The following AGPS variants were observed in gnomAD, a reference collection of about 807,000 sequenced individuals.
AGPS encodes the protein alkylglycerone phosphate synthase.
AGPS carries 26 observed loss-of-function variants against 90.7 expected under a neutral mutation model. That is an observed-to-expected ratio of 0.29 (90% CI 0.21 to 0.40). The LOEUF (loss-of-function observed/expected upper bound fraction) is 0.40. Among genes scored for constraint, AGPS ranks in the 10% least tolerant of loss-of-function variants. The probability of loss-of-function intolerance (pLI) is 1.00; values close to 1 mark genes in which losing one functional copy is unlikely to be tolerated. For synonymous variants in AGPS, 294 were observed against 285.3 expected (o/e 1.03, Z -0.31); for missense variants, 540 against 816.1 (o/e 0.66, Z 4.12).
In AGPS at chr2:177,445,537, T is replaced by C. The variant is rs1371847346; in HGVS notation, c.790-9T>C. 1.2e-6 allele frequency: 2 copies of C among 1,610,970 alleles called. No homozygotes were observed. Among genetic ancestry groups the C allele is most frequent in the African/African-American group, 1.3e-5 (1 of 74,876 alleles). On this transcript the variant is annotated splice_polypyrimidine_tract_variant and intron_variant, in intron 7 of 19. Transcript: ENST00000264167. ...CTGGAGATCAGATTTCTTTCTTCCT[T>C]TGCAACAGAATCGAATTCTCTGGGT... is the stretch of plus-strand genomic sequence containing the variant.
chr2:177,419,472 A>G (rs569163392), intron 1 of AGPS, among the ~76,000 whole-genome samples: 53 of 152,006 alleles, frequency 3.5e-4, no homozygotes, highest in African/African-American at 1.2e-3. Flanking sequence ...AAGTGATGCA[A>G]TACTTCAGCA....
chr2:177,407,200 G>A (rs1252770828), intron 1 of AGPS, among the ~76,000 whole-genome samples: 2 of 152,084 alleles, frequency 1.3e-5, no homozygotes, highest in Non-Finnish European at 2.9e-5. Context: ...AAGGAAATAA[G>A]GTAATGATTG....
intron 11 of AGPS, among the ~76,000 whole-genome samples, chr2:177,488,967 T>G (rs1042279409): frequency 2.0e-5 from 3 of 152,208 alleles, no homozygotes; most frequent in African/African-American, 7.2e-5. Flanking sequence ...TAACTAGTCT[T>G]TTAAGAGGTG....
chr2:177,531,625 TTAAA>T (rs2079137951), intron 19 of AGPS, among the ~76,000 whole-genome samples: 1 of 152,164 alleles, frequency 6.6e-6, no homozygotes, highest in African/African-American at 2.4e-5. Context: ...AGCAAGATGT[TTAAA>T]TAGATATAGA....
chr2:177,490,866 T>G (rs1282856732), intron 11 of AGPS, among the ~76,000 whole-genome samples: 11 of 147,712 alleles, frequency 7.4e-5, no homozygotes, highest in African/African-American at 2.5e-4. Context: ...TTTTTTTTTT[T>G]TTTTTAAAGA....
intron 10 of AGPS, among the ~76,000 whole-genome samples, chr2:177,474,696 A>G (rs1687731515): frequency 6.6e-6 from 1 of 152,230 alleles, no homozygotes; most frequent in Non-Finnish European, 1.5e-5. Context: ...TTTAAAAAAC[A>G]AATGGGAGCT....
intron 1 of AGPS, among the ~76,000 whole-genome samples, chr2:177,413,012 G>A (rs1388768333): frequency 6.6e-6 from 1 of 152,144 alleles, no homozygotes; most frequent in African/African-American, 2.4e-5. Flanking sequence ...GCGGGTCTGC[G>A]ATGGCGGCAA....
chr2:177,526,978 A>G (rs1259073571), intron 19 of AGPS, among the ~76,000 whole-genome samples: 2 of 152,346 alleles, frequency 1.3e-5, no homozygotes, highest in East Asian at 3.9e-4. Context: ...AAAATCAGTA[A>G]TAATTGTTAG....
At chr2:177,413,090 C>T (rs1685670085) in intron 1 of AGPS, among the ~76,000 whole-genome samples, 1 of 152,124 alleles carries the variant, frequency 6.6e-6, no homozygotes, top group African/African-American at 2.4e-5. Flanking sequence ...GAAGAGTATG[C>T]AGTTGCAAGA....
intron 2 of AGPS, among the ~76,000 whole-genome samples, chr2:177,428,519 G>A (rs1464629770): frequency 6.6e-6 from 1 of 152,170 alleles, no homozygotes; most frequent in Non-Finnish European, 1.5e-5. Flanking sequence ...AGGCCTGGTG[G>A]TGATGAATTC....
chr2:177,518,567 G>A (rs1689090126), intron 17 of AGPS, among the ~76,000 whole-genome samples: 1 of 151,978 alleles, frequency 6.6e-6, no homozygotes, highest in Non-Finnish European at 1.5e-5. Flanking sequence ...TTATAATTGT[G>A]ATACTTGTAA....
chr2:177,425,585 C>G (rs1428818816), intron 2 of AGPS, among the ~76,000 whole-genome samples: 1 of 137,430 alleles, frequency 7.3e-6, no homozygotes, highest in African/African-American at 2.7e-5. Flanking sequence ...CACGCCATTG[C>G]ACTCCAGCCT....
At chr2:177,512,897 G>A (rs1688916925) in intron 16 of AGPS, among the ~76,000 whole-genome samples, 1 of 151,832 alleles carries the variant, frequency 6.6e-6, no homozygotes, top group African/African-American at 2.4e-5. Flanking sequence ...AGGCTGGAGT[G>A]CAGTAGTGCG....
intron 17 of AGPS, among the ~76,000 whole-genome samples, chr2:177,520,480 G>A (rs1574029590): frequency 6.6e-6 from 1 of 152,160 alleles, no homozygotes; most frequent in African/African-American, 2.4e-5. Context: ...CTTGTTTTGA[G>A]TCTAATTTTG....
At chr2:177,509,644 C>T (rs1399472650) in intron 16 of AGPS, among the ~76,000 whole-genome samples, 15 of 136,152 alleles carry the variant, frequency 1.1e-4, no homozygotes, top group Non-Finnish European at 1.9e-4. Flanking sequence ...CCAGCCTGGG[C>T]GACACAGCGA....
chr2:177,481,260 C>T (rs1342604513), intron 10 of AGPS, among the ~76,000 whole-genome samples: 3 of 151,988 alleles, frequency 2.0e-5, no homozygotes, highest in African/African-American at 7.2e-5. Flanking sequence ...CATCAGAAAC[C>T]ATTCATTTGA....
At chr2:177,449,575 C>T (rs958515093) in intron 8 of AGPS, among the ~76,000 whole-genome samples, 1 of 152,068 alleles carries the variant, frequency 6.6e-6, no homozygotes, top group Admixed American at 6.5e-5. Flanking sequence ...AGGCAAGTGC[C>T]ACCATGCCTG....
intron 10 of AGPS, among the ~76,000 whole-genome samples, chr2:177,470,259 A>G (rs1687572997): frequency 1.3e-5 from 2 of 152,200 alleles, no homozygotes; most frequent in East Asian, 1.9e-4. Context: ...GGTAAGGGCT[A>G]CAGGGTAGTT....
chr2:177,491,760 TCCCC>T (rs11354737), intron 11 of AGPS, among the ~76,000 whole-genome samples: 1 of 46,488 alleles, frequency 2.2e-5, no homozygotes. Context: ...ATACTTTCCT[TCCCC>T]CCCCCCCCCT....
Sources: gnomAD v4.1 joint callset for allele counts (sites outside exome capture counted in the v4.1 genomes callset) on GRCh38, gnomAD v4.1.1 for gene constraint, MANE v1.5 for transcripts, NCBI Gene and HGNC (gene_info 2026-07-23, HGNC 2026-07-21) for gene names.